The following FAM135B variants were observed in gnomAD, a reference collection of about 807,000 sequenced individuals.
The protein encoded by FAM135B is protein FAM135B.
Under a neutral mutation model 127.7 loss-of-function variants are expected in FAM135B, and 43 were observed. The ratio of observed to expected loss-of-function variants is 0.34; its 90% confidence interval spans 0.26 to 0.43. The LOEUF (loss-of-function observed/expected upper bound fraction) is 0.43, where lower values mean the gene tolerates loss of function less well. Among genes scored for constraint, FAM135B ranks in the 20% least tolerant of loss-of-function variants. FAM135B has a pLI of 1.00. For missense variants in FAM135B, 1,558 were observed against 1,725.6 expected (o/e 0.90, Z 1.72); for synonymous variants, 670 against 665.1 (o/e 1.01, Z -0.11).
At chr8:138,240,956 A>AT (rs1213035136) in intron 7 of FAM135B, among the ~76,000 whole-genome samples, 1 of 152,120 alleles carries the variant, frequency 6.6e-6, no homozygotes, top group Non-Finnish European at 1.5e-5. Context: ...TGAGTGGAAG[A>AT]TTTTCAGGCA....
chr8:138,342,950 A>G (rs1451065961), intron 2 of FAM135B, among the ~76,000 whole-genome samples: 1 of 152,250 alleles, frequency 6.6e-6, no homozygotes, highest in East Asian at 1.9e-4. Flanking sequence ...AGGTATAGTG[A>G]ATTCAGAACT....
intron 2 of FAM135B, among the ~76,000 whole-genome samples, chr8:138,353,090 C>T (rs1829878946): frequency 6.6e-6 from 1 of 152,192 alleles, no homozygotes; most frequent in Non-Finnish European, 1.5e-5. Flanking sequence ...CACTCCCCTA[C>T]TTGAAACATT....
At chr8:138,295,235 AAAAGGAG>A (rs1825402099) in intron 3 of FAM135B, among the ~76,000 whole-genome samples, 2 of 150,822 alleles carry the variant, frequency 1.3e-5, no homozygotes, top group Non-Finnish European at 2.9e-5. Context: ...CATCTGTGCA[AAAAGGAG>A]AAAGGAATCA....
chr8:138,350,409 T>G (rs1829699776), intron 2 of FAM135B, among the ~76,000 whole-genome samples: 1 of 152,016 alleles, frequency 6.6e-6, no homozygotes, highest in Non-Finnish European at 1.5e-5. Context: ...TTTTGATGCA[T>G]GAAAGGAGGT....
intron 7 of FAM135B, among the ~76,000 whole-genome samples, chr8:138,238,555 C>T (rs1820482324): frequency 6.6e-6 from 1 of 152,176 alleles, no homozygotes; most frequent in South Asian, 2.1e-4. Context: ...TCTCAGCAAC[C>T]CTTACCTCCC....
chr8:138,264,835 T>C (rs1051539912), intron 4 of FAM135B, among the ~76,000 whole-genome samples: 3 of 152,176 alleles, frequency 2.0e-5, no homozygotes, highest in Non-Finnish European at 4.4e-5. Context: ...ATAGGAGCTG[T>C]TGTGCACACC....
At chr8:138,402,090 C>T (rs1029788966) in intron 1 of FAM135B, among the ~76,000 whole-genome samples, 4 of 152,006 alleles carry the variant, frequency 2.6e-5, no homozygotes, top group South Asian at 2.1e-4. Flanking sequence ...TGAAGTTCCA[C>T]GGGCAAAAGG....
chr8:138,360,022 A>T (rs1302476923), intron 2 of FAM135B, among the ~76,000 whole-genome samples: 1 of 152,220 alleles, frequency 6.6e-6, no homozygotes, highest in Non-Finnish European at 1.5e-5. Context: ...GGATGAGAAC[A>T]GAATTTCTCA....
chr8:138,492,182 C>T (rs1472967781), intron 1 of FAM135B, among the ~76,000 whole-genome samples: 1 of 152,004 alleles, frequency 6.6e-6, no homozygotes, highest in Non-Finnish European at 1.5e-5. Context: ...TAGTCCTTGC[C>T]TTCTTCTCTC....
intron 9 of FAM135B, among the ~76,000 whole-genome samples, chr8:138,183,711 T>C (rs1347589211): frequency 2.0e-5 from 3 of 152,216 alleles, no homozygotes; most frequent in African/African-American, 4.8e-5. Flanking sequence ...TTACATGACT[T>C]TGGACCAAGG....
chr8:138,486,993 T>G (rs143161282), intron 1 of FAM135B, among the ~76,000 whole-genome samples: 1 of 152,126 alleles, frequency 6.6e-6, no homozygotes, highest in African/African-American at 2.4e-5. Flanking sequence ...TACTTTAAGT[T>G]CTAGGGTACA....
At chr8:138,489,803 G>T (rs575038490) in intron 1 of FAM135B, among the ~76,000 whole-genome samples, 1 of 152,208 alleles carries the variant, frequency 6.6e-6, no homozygotes, top group South Asian at 2.1e-4. Flanking sequence ...TCTTCCATGT[G>T]AAACAGCTCC....
intron 12 of FAM135B, among the ~76,000 whole-genome samples, chr8:138,164,975 G>A (rs7830455): frequency 0.013 from 1,987 of 152,288 alleles, 33 homozygotes; most frequent in Middle Eastern, 0.051. Context: ...ACCATGTCTT[G>A]TTGCTGTTTG....
intron 1 of FAM135B, among the ~76,000 whole-genome samples, chr8:138,458,226 C>T (rs1055814127): frequency 1.3e-5 from 2 of 152,178 alleles, no homozygotes; most frequent in South Asian, 4.1e-4. Context: ...TACTAAATTA[C>T]AAGCTCTGTG....
At chr8:138,182,830 T>TATA (rs561060316) in intron 9 of FAM135B, among the ~76,000 whole-genome samples, 46 of 152,342 alleles carry the variant, frequency 3.0e-4, no homozygotes, top group African/African-American at 9.1e-4. Flanking sequence ...ACTAGGAGGC[T>TATA]ATAAGTCCAC....
At chr8:138,373,899 G>T (rs962274314) in intron 1 of FAM135B, among the ~76,000 whole-genome samples, 3 of 152,104 alleles carry the variant, frequency 2.0e-5, no homozygotes, top group African/African-American at 4.8e-5. Context: ...CTGATAAGAT[G>T]TTATCAAATG....
chr8:138,319,141 CTG>C (rs763683757), intron 2 of FAM135B, among the ~76,000 whole-genome samples: 3 of 152,032 alleles, frequency 2.0e-5, no homozygotes, highest in Non-Finnish European at 4.4e-5. Context: ...GAGTCTTGCT[CTG>C]TCACCCAGGC....
At chr8:138,366,208 C>T (rs1011095462) in intron 2 of FAM135B, among the ~76,000 whole-genome samples, 48 of 152,142 alleles carry the variant, frequency 3.2e-4, no homozygotes, top group African/African-American at 1.1e-3. Context: ...GAAGATAATA[C>T]TGCTTAGTTC....
At chr8:138,153,533 C>A (rs181448826) in intron 12 of FAM135B, among the ~76,000 whole-genome samples, 1 of 152,294 alleles carries the variant, frequency 6.6e-6, no homozygotes, top group Non-Finnish European at 1.5e-5. Context: ...ATTCCCTTTC[C>A]TAGCCAAGGG....
Sources: allele counts gnomAD v4.1 joint callset (sites outside exome capture counted in the v4.1 genomes callset), GRCh38; gene constraint gnomAD v4.1.1; transcripts MANE v1.5; gene names NCBI Gene and HGNC (gene_info 2026-07-23, HGNC 2026-07-21).